Variants in ERBB4 observed in about 807,000 individuals in gnomAD.
ERBB4 encodes the protein erb-b2 receptor tyrosine kinase 4.
ERBB4 carries 42 observed loss-of-function variants against 158.0 expected under a neutral mutation model. That is an observed-to-expected ratio of 0.27 (90% CI 0.21 to 0.34). ERBB4 has a LOEUF of 0.34. Ranked by LOEUF, ERBB4 falls within the 10% of genes least tolerant of loss-of-function variation. The pLI, the probability that ERBB4 is intolerant of heterozygous loss-of-function variation, is 1.00. For missense variants in ERBB4, 1,333 were observed against 1,624.1 expected, an observed-to-expected ratio of 0.82 and a Z score of 3.08; for synonymous variants, 583 against 558.7, an observed-to-expected ratio of 1.04 and a Z score of -0.61.
chr2:212,109,755 G>A (rs1025740478), intron 2 of ERBB4, among the ~76,000 whole-genome samples: 13 of 152,264 alleles, frequency 8.5e-5, no homozygotes, highest in African/African-American at 1.9e-4. Flanking sequence ...AAGCAAGAGC[G>A]TGATCAAACA....
At chr2:211,903,428 A>G (rs1331109568) in intron 3 of ERBB4, among the ~76,000 whole-genome samples, 1 of 152,076 alleles carries the variant, frequency 6.6e-6, no homozygotes, top group Non-Finnish European at 1.5e-5. Context: ...AAAATATGAA[A>G]ATCTAAATGA....
In ERBB4 at chr2:211,892,823, A is replaced by G. The variant is rs865984596; in HGVS notation, c.421+54607T>C. Among the ~76,000 whole-genome samples the G allele has an allele frequency of 2.8e-3, 397 of 141,006 alleles. 4 individuals carry two copies. The highest frequency in any genetic ancestry group is 0.01 in the African/African-American group (360 of 34,860). The allele number at this position is 141,006 out of a possible 152,430, so 92.5% of individuals were successfully genotyped here. On this transcript the variant is annotated intron_variant, in intron 3 of 27. Transcript: ENST00000342788. ...CTCCCATTCACAATTGCTTCAAAGA[A>G]AATAAAATACCTAGGAATCCAACTT...
chr2:212,086,496 C>G (rs1261793176), intron 2 of ERBB4, among the ~76,000 whole-genome samples: 1 of 151,760 alleles, frequency 6.6e-6, no homozygotes, highest in African/African-American at 2.4e-5. Context: ...TTTTTTATAT[C>G]AATATCATGA....
chr2:212,521,224 G>A (rs1692142652), intron 1 of ERBB4, among the ~76,000 whole-genome samples: 2 of 151,822 alleles, frequency 1.3e-5, no homozygotes, highest in Non-Finnish European at 2.9e-5. Flanking sequence ...AAGGACAGAG[G>A]ATTTGAGTTT....
chr2:212,047,371 C>T lies in ERBB4; in HGVS notation c.234+77381G>A, dbSNP rs114199941. 8.6e-3 allele frequency among the ~76,000 whole-genome samples: 1,303 copies of T among 152,176 alleles called. 15 individuals are homozygous for T. The highest frequency in any genetic ancestry group is 0.03 in the African/African-American group (1,241 of 41,514). On this transcript the variant is annotated intron_variant, in intron 2 of 27. Coordinates refer to ENST00000342788, the MANE Select transcript of ERBB4 (RefSeq NM_005235.3). The stretch of plus-strand genomic sequence containing the variant: ...AGGATGAAACTACAAATATGTTTCA[C>T]GAAAATAACACTATTTTGCAAGAAT...
intron 1 of ERBB4, among the ~76,000 whole-genome samples, chr2:212,256,201 T>C (rs2084733533): frequency 6.6e-6 from 1 of 152,098 alleles, no homozygotes; most frequent in Non-Finnish European, 1.5e-5. Context: ...TGCCATATAT[T>C]TCTCATCTGA....
intron 1 of ERBB4, among the ~76,000 whole-genome samples, chr2:212,511,657 G>A (rs1477047976): frequency 1.3e-5 from 2 of 152,014 alleles, no homozygotes; most frequent in African/African-American, 4.8e-5. Flanking sequence ...AGAAGGGGGA[G>A]TCAACTTAAA....
intron 6 of ERBB4, among the ~76,000 whole-genome samples, chr2:211,722,969 T>C (rs958502004): frequency 6.6e-6 from 1 of 152,236 alleles, no homozygotes; most frequent in African/African-American, 2.4e-5. Flanking sequence ...TTATCACCAC[T>C]GTCCTGTAAG....
intron 2 of ERBB4, among the ~76,000 whole-genome samples, chr2:212,088,129 G>C (rs886424483): frequency 6.6e-6 from 1 of 152,056 alleles, no homozygotes; most frequent in South Asian, 2.1e-4. Context: ...GCTGGGAAAA[G>C]GCTATCAAGG....
At chr2:211,625,559 T>G (rs1254325371) in intron 17 of ERBB4, among the ~76,000 whole-genome samples, 2 of 152,192 alleles carry the variant, frequency 1.3e-5, no homozygotes, top group African/African-American at 4.8e-5. Flanking sequence ...TTAAGTTATA[T>G]AAATGTAAAT....
chr2:211,831,854 G>A lies in ERBB4; in HGVS notation c.422-43695C>T, dbSNP rs1023471834. ...GGAGGCAGAGGTTGCAGTGAGCCGAGGTCGCGCCATTGCACTCCAACCTGG... is the reference window on the plus strand; with the variant it reads ...GGAGGCAGAGGTTGCAGTGAGCCGAAGTCGCGCCATTGCACTCCAACCTGG... On this transcript the variant is annotated intron_variant, in intron 3 of 27. Coordinates refer to ENST00000342788, the MANE Select transcript of ERBB4 (RefSeq NM_005235.3). Among the ~76,000 whole-genome samples the A allele has an allele frequency of 3.9e-5, 6 of 152,048 alleles. No individual in the cohort carries two copies. In the South Asian group the frequency reaches 1.0e-3, roughly 26 times the overall value.
At position 212,491,955 on chromosome 2, in the gene ERBB4, T is replaced by C. The variant is rs1450287427; in HGVS notation, c.82+46494A>G. Among the ~76,000 whole-genome samples, 4 of 151,598 alleles carry C rather than the reference T, an allele frequency of 2.6e-5. No homozygotes were observed. The South Asian group carries it at 6.2e-4, about 24-fold the overall frequency. ...ATTCTTTGTTGTACACAATGTTCCATACAAAGACATTTATAAGCAGATTCT... is the reference window on the plus strand; with the variant it reads ...ATTCTTTGTTGTACACAATGTTCCACACAAAGACATTTATAAGCAGATTCT... On this transcript the variant is annotated intron_variant, in intron 1 of 27. Transcript: ENST00000342788.
chr2:211,448,479 C>CACAT (rs1180241024), intron 20 of ERBB4, among the ~76,000 whole-genome samples: 2 of 151,794 alleles, frequency 1.3e-5, no homozygotes, highest in Non-Finnish European at 2.9e-5. Flanking sequence ...CACACACACA[C>CACAT]ACACACACAC....
chr2:211,718,931 AAGAAACATC>A (rs1367305260), intron 7 of ERBB4, among the ~76,000 whole-genome samples: 2 of 152,226 alleles, frequency 1.3e-5, no homozygotes, highest in African/African-American at 4.8e-5. Flanking sequence ...CTTAGGTAAA[AAGAAACATC>A]AGAAACAGCT....
At position 211,713,668 on chromosome 2, in the gene ERBB4, AGGT is replaced by A; in HGVS notation, c.884-23_884-21del. 3.0e-5 allele frequency: 37 copies of A among 1,217,874 alleles called. No individual in the cohort carries two copies. The highest frequency in any genetic ancestry group is 4.1e-5 in the Non-Finnish European group (34 of 830,154). The allele number at this position is 1,217,874 out of a possible 1,614,324, so 75.4% of individuals were successfully genotyped here. A position where few individuals can be genotyped will look rare whatever the true frequency, so the allele number is the denominator to read the frequency against. On this transcript the variant is annotated intron_variant, in intron 7 of 27. Transcript: ENST00000342788. ...AGTTATCTGATTAAAAAAAAAAAAA[AGGT>A]AAAATAAGCATTAATGTTAACATTC...
intron 2 of ERBB4, among the ~76,000 whole-genome samples, chr2:211,980,627 A>C (rs2081764153): frequency 6.6e-6 from 1 of 152,166 alleles, no homozygotes; most frequent in Non-Finnish European, 1.5e-5. Flanking sequence ...TGTACATTTT[A>C]TAGATGCTCT....
intron 16 of ERBB4, 38 bp downstream of exon 16, chr2:211,657,716 G>C: frequency 6.6e-7 from 1 of 1,507,902 alleles, no homozygotes; most frequent in Non-Finnish European, 9.2e-7. Flanking sequence ...AACTAGGAAA[G>C]GATTTGAGCG....
At chr2:211,408,400 G>A (rs945707672) in intron 25 of ERBB4, among the ~76,000 whole-genome samples, 2 of 152,126 alleles carry the variant, frequency 1.3e-5, no homozygotes, top group African/African-American at 4.8e-5. Context: ...TCCTTTTCCA[G>A]CTCTGATTTT....
intron 20 of ERBB4, among the ~76,000 whole-genome samples, chr2:211,497,125 C>T (rs1041472667): frequency 5.3e-5 from 8 of 151,996 alleles, no homozygotes; most frequent in Admixed American, 5.2e-4. Context: ...TACTTACTTA[C>T]ATAATATAAA....
Sources: gnomAD v4.1 joint callset for allele counts (sites outside exome capture counted in the v4.1 genomes callset) on GRCh38, gnomAD v4.1.1 for gene constraint, MANE v1.5 for transcripts, NCBI Gene and HGNC (gene_info 2026-07-23, HGNC 2026-07-21) for gene names.